ZNF157: variants seen among roughly 807,000 people sequenced by gnomAD.
ZNF157 encodes zinc finger protein 157.
ZNF157 carries 8 observed loss-of-function variants against 9.4 expected under a neutral mutation model. That is an observed-to-expected ratio of 0.85 (90% CI 0.50 to 1.53). The LOEUF is 1.53. Among genes scored for constraint, ZNF157 ranks in the 40% most tolerant of loss-of-function variants. The probability of loss-of-function intolerance (pLI) is 0.00; values close to 1 mark genes in which losing one functional copy is unlikely to be tolerated. For missense variants in ZNF157, 316 were observed against 385.2 expected, an observed-to-expected ratio of 0.82 and a Z score of 1.50; for synonymous variants, 120 against 130.8, an observed-to-expected ratio of 0.92 and a Z score of 0.56.
chrX:47,403,104 T>TAC (rs201573538), intron 1 of ZNF157, among the ~76,000 whole-genome samples: 25,142 of 100,004 alleles, frequency 0.25, 2,875 homozygotes, highest in South Asian at 0.39. Context: ...CTACTGAAAA[T>TAC]ACACACACAC....
At chrX:47,393,441 A>C (rs183583967) in intron 1 of ZNF157, among the ~76,000 whole-genome samples, 16 of 112,145 alleles carry the variant, frequency 1.4e-4, no homozygotes, top group African/African-American at 5.2e-4. Flanking sequence ...TTCGTATTAG[A>C]GAAGAAGGCC....
At position 47,412,912 on chromosome X, in the gene ZNF157, G is replaced by A. The variant is rs2055970168; in HGVS notation, c.839G>A (p.Gly280Glu). The A allele has an allele frequency of 8.3e-7, 1 of 1,210,050 alleles. No individual in the cohort carries two copies. The highest frequency in any genetic ancestry group is 1.7e-5 in the African/African-American group (1 of 57,328). Residue 280 changes from glycine to glutamate, a missense_variant, in exon 4 of 4, where the codon GGG becomes GAG. This residue lies in a region of ZNF157 where 167 missense variants were observed against 183.6 expected (regional missense o/e 0.91). Coordinates refer to ENST00000377073, the MANE Select transcript of ZNF157 (RefSeq NM_003446.4). ...AAACCCTATGAATGTAGTGAATGTG[G>A]GAAAACATTTCGTGTAAAGATATCC... is the stretch of plus-strand genomic sequence containing the variant. Reference protein sequence around the residue: ...GEKPYECSECGKTFRVKISLT... With the variant: ...GEKPYECSECEKTFRVKISLT...
At chrX:47,379,852 A>G (rs1390515729) in intron 1 of ZNF157, among the ~76,000 whole-genome samples, 1 of 105,590 alleles carries the variant, frequency 9.5e-6, no homozygotes, top group East Asian at 3.0e-4. Flanking sequence ...TTGTGTGTAT[A>G]TATATTTCTA....
At chrX:47,378,181 C>T (rs2055850707) in intron 1 of ZNF157, among the ~76,000 whole-genome samples, 1 of 110,562 alleles carries the variant, frequency 9.0e-6, no homozygotes, top group Non-Finnish European at 1.9e-5. Context: ...GCTGATTGGT[C>T]AGGTCATGGA....
At chrX:47,373,082 C>A (rs753475576) in intron 1 of ZNF157, among the ~76,000 whole-genome samples, 6 of 51,962 alleles carry the variant, frequency 1.2e-4, no homozygotes, top group Admixed American at 1.2e-3. Flanking sequence ...CACCTGTAAT[C>A]CAGCTACTCG....
chrX:47,391,663 G>A (rs182564874), intron 1 of ZNF157, among the ~76,000 whole-genome samples: 28 of 111,449 alleles, frequency 2.5e-4, no homozygotes, highest in Admixed American at 1.5e-3. Flanking sequence ...CAATTCTCCT[G>A]TCTCAGTCTC....
intron 1 of ZNF157, among the ~76,000 whole-genome samples, chrX:47,378,608 G>A (rs1313707780): frequency 8.9e-6 from 1 of 111,798 alleles, no homozygotes; most frequent in Admixed American, 9.6e-5. Context: ...TTAGGCCGAC[G>A]CAGGCAGATC....
intron 1 of ZNF157, among the ~76,000 whole-genome samples, chrX:47,391,696 A>G (rs2055897655): frequency 9.3e-6 from 1 of 107,298 alleles, no homozygotes; most frequent in Non-Finnish European, 1.9e-5. Flanking sequence ...CACTACAGGC[A>G]TGTGCCACCA....
chrX:47,406,542 T>G (rs2055947835), intron 1 of ZNF157, among the ~76,000 whole-genome samples: 1 of 110,707 alleles, frequency 9.0e-6, no homozygotes, highest in African/African-American at 3.3e-5. Flanking sequence ...CCTGGCTAAT[T>G]TTAAAAATTT....
intron 1 of ZNF157, among the ~76,000 whole-genome samples, chrX:47,382,595 CTTTT>C (rs772429046): frequency 1.0e-5 from 1 of 96,791 alleles, no homozygotes. Context: ...GGCATGTAGC[CTTTT>C]TTTTTTTTTT....
At chrX:47,372,494 C>CTTT (rs35123428) in intron 1 of ZNF157, among the ~76,000 whole-genome samples, 3 of 85,818 alleles carry the variant, frequency 3.5e-5, no homozygotes, top group Admixed American at 1.3e-4. Context: ...TATTTGTATT[C>CTTT]TTTTTTTTTT....
intron 1 of ZNF157, chrX:47,391,095 G>A (rs1260196361): frequency 9.0e-6 from 1 of 111,213 alleles, no homozygotes; most frequent in Non-Finnish European, 1.9e-5. Context: ...TTTTTGATTT[G>A]ACCTTCCTCT....
chrX:47,385,877 C>T (rs1234891399), intron 1 of ZNF157, among the ~76,000 whole-genome samples: 1 of 110,339 alleles, frequency 9.1e-6, no homozygotes, highest in Non-Finnish European at 1.9e-5. Flanking sequence ...CATGATTCCA[C>T]GTATGAATTC....
chrX:47,387,640 C>T (rs1361270224), intron 1 of ZNF157, among the ~76,000 whole-genome samples: 1 of 109,135 alleles, frequency 9.2e-6, no homozygotes, highest in Non-Finnish European at 1.9e-5. Context: ...CTCAGTCGGG[C>T]GCGGTGGCTC....
chrX:47,410,497 G>T, intron 2 of ZNF157, 95 bp downstream of exon 2: 1 of 1,080,199 alleles, frequency 9.3e-7, no homozygotes, highest in South Asian at 2.1e-5. Flanking sequence ...ATGATATTAA[G>T]AGTCACAGAT....
At chrX:47,378,835 CA>C (rs1292771774) in intron 1 of ZNF157, among the ~76,000 whole-genome samples, 6 of 105,085 alleles carry the variant, frequency 5.7e-5, no homozygotes, top group South Asian at 8.2e-4. Context: ...CAGACTGTCT[CA>C]AAAAAAAAAC....
intron 2 of ZNF157, 136 bp from the exon 3 acceptor site, chrX:47,410,544 G>T: frequency 1.1e-6 from 1 of 949,717 alleles, no homozygotes; most frequent in Non-Finnish European, 1.4e-6. Context: ...AAATGTGTGC[G>T]TTCTTACTTC....
chrX:47,395,191 A>G (rs1485851861), intron 1 of ZNF157, among the ~76,000 whole-genome samples: 1 of 110,772 alleles, frequency 9.0e-6, no homozygotes, highest in Non-Finnish European at 1.9e-5. Flanking sequence ...TGTTGGGAAT[A>G]TAGGCACGAG....
chrX:47,386,839 T>C (rs2055880943), intron 1 of ZNF157, among the ~76,000 whole-genome samples: 1 of 111,422 alleles, frequency 9.0e-6, no homozygotes, highest in South Asian at 3.8e-4. Flanking sequence ...CTTCTAAGTA[T>C]AAATAAATAC....
Sources: gnomAD v4.1 joint callset for allele counts (sites outside exome capture counted in the v4.1 genomes callset) on GRCh38, gnomAD v4.1.1 for gene constraint, gnomAD v4.1.1 regional missense constraint, MANE v1.5 for transcripts, NCBI Gene and HGNC (gene_info 2026-07-23, HGNC 2026-07-21) for gene names.